The following KIF1C variants were observed in gnomAD, a reference collection of about 807,000 sequenced individuals.
KIF1C encodes kinesin family member 1C, also known as kinesin-like protein KIF1C.
A neutral mutation model predicts 126.5 loss-of-function variants in KIF1C; 61 were observed. The observed-to-expected ratio is 0.48, with a 90% CI of 0.39 to 0.60. The LOEUF (loss-of-function observed/expected upper bound fraction) is 0.60, where lower values mean the gene tolerates loss of function less well. Among genes scored for constraint, KIF1C ranks in the 20% least tolerant of loss-of-function variants. The pLI is 0.00. For missense variants in KIF1C, 1,315 were observed against 1,489.2 expected (o/e 0.88, Z 1.93); for synonymous variants, 640 against 580.6 (o/e 1.10, Z -1.47).
At chr17:5,015,283 CT>C (rs1974948730) in intron 18 of KIF1C, among the ~76,000 whole-genome samples, 1 of 151,760 alleles carries the variant, frequency 6.6e-6, no homozygotes, top group South Asian at 2.1e-4. Flanking sequence ...TTTTCTTTTT[CT>C]TTTTCTTTTT....
Position 5,017,973 on chromosome 17 carries a change from TATTTTC to T in KIF1C, c.1667-2011_1667-2006del, listed in dbSNP as rs1975011753. ...GCATAACACGTATTCCCTCCTTTTT[TATTTTC>T]ATTTTCATTTTTATTTTTTGAGACA... On this transcript the variant is annotated intron_variant, in intron 18 of 22. Coordinates refer to ENST00000320785, the MANE Select transcript of KIF1C (RefSeq NM_006612.6). Among the ~76,000 whole-genome samples, 5 of 152,002 alleles carry T rather than the reference TATTTTC, an allele frequency of 3.3e-5. No homozygotes were observed. The South Asian group carries it at 8.3e-4, about 25-fold the overall frequency.
At chr17:5,015,340 A>G (rs1384560797) in intron 18 of KIF1C, among the ~76,000 whole-genome samples, 4 of 149,826 alleles carry the variant, frequency 2.7e-5, no homozygotes, top group Admixed American at 6.6e-5. Context: ...CTGGAGTGCA[A>G]TGGCGCGATC....
chr17:5,002,381 A>C, intron 6 of KIF1C, 83 bp from the exon 7 acceptor site: 1 of 1,319,352 alleles, frequency 7.6e-7, no homozygotes, highest in South Asian at 1.3e-5. Flanking sequence ...AGTCACCTGG[A>C]TCGTGTCCAG....
At chr17:5,004,694 A>C (rs391271) in intron 12 of KIF1C, 49 bp downstream of exon 12, 2 of 1,595,948 alleles carry the variant, frequency 1.3e-6, no homozygotes, top group South Asian at 2.2e-5. Flanking sequence ...GAAGAGTGCC[A>C]GGAGTTCAGA....
Position 5,007,421 on chromosome 17 carries a change from C to T in KIF1C, c.1416-46C>T, listed in dbSNP as rs771380561. 19 of 1,610,316 alleles carry T rather than the reference C, an allele frequency of 1.2e-5. No homozygotes were observed. In the East Asian group the frequency reaches 1.6e-4, roughly 13 times the overall value. On this transcript the variant is annotated intron_variant, in intron 15 of 22. Transcript: ENST00000320785. ...TCAGGCCCCACAGGGAAGGAGGTCA[C>T]GGGCAGTGAAGGTAAGACTGACATT...
chr17:5,011,887 C>T (rs1164905407), intron 16 of KIF1C: 1 of 152,308 alleles, frequency 6.6e-6, no homozygotes, highest in Non-Finnish European at 1.5e-5. Flanking sequence ...TCCACGCCCT[C>T]CTTGTCCTCA....
At position 5,026,792 on chromosome 17, in the gene KIF1C, T is replaced by C. The variant is rs1188317275; in HGVS notation, c.*2641T>C. 1 of 149,240 alleles carries C rather than the reference T, an allele frequency of 6.7e-6. No individual in the cohort carries two copies. Among genetic ancestry groups the C allele is most frequent in the Non-Finnish European group, 1.5e-5 (1 of 67,388 alleles). 9.2% of individuals were successfully genotyped at this position (149,240 alleles called of 1,614,324 possible). A position where few individuals can be genotyped will look rare whatever the true frequency, so the allele number is the denominator to read the frequency against. ...ATATCCAGCCTTCCAAGTCAGTCTT[T>C]AATAATGTGCACGGGCCAGGCACAG... On this transcript the variant is annotated 3_prime_UTR_variant, in exon 23 of 23. Transcript: ENST00000320785.
rs201947256 is a variant in KIF1C at position 5,002,860 on chromosome 17, C to T, written c.720+18C>T. On this transcript the variant is annotated intron_variant, in intron 8 of 22. Coordinates refer to ENST00000320785, the MANE Select transcript of KIF1C (RefSeq NM_006612.6). Reference sequence around the variant, plus strand: ...CGGAGAAGGTGGGATCGCCCCCCCCCCCACTCCCCCACCGGATGCAACCTC... The same window carrying T: ...CGGAGAAGGTGGGATCGCCCCCCCCTCCACTCCCCCACCGGATGCAACCTC... 81 of 1,575,676 alleles carry T rather than the reference C, an allele frequency of 5.1e-5. 1 individual carries two copies. Among genetic ancestry groups the T allele is most frequent in the South Asian group, 4.7e-4 (42 of 90,136 alleles).
At position 5,023,507 on chromosome 17, in the gene KIF1C, TG is replaced by T; in HGVS notation, c.2671del (p.Ala891ProfsTer197). On this transcript the variant is annotated frameshift_variant, in exon 23 of 23. Transcript: ENST00000320785. LOFTEE classifies it high-confidence loss of function. This position sits in a 1 kb window ranked among gnomAD's most constrained non-coding sequence, Gnocchi z 4.2. ...DENEEGGEVP[W>X]APPEGSEAAE... ...GAATGAAGAAGGTGGTGAGGTCCCC[TG>T]GGCCCCGCCTGAAGGATCAGAGGCA... 6.2e-7 allele frequency: 1 copy of T among 1,613,674 alleles called. No homozygotes were observed. The highest frequency in any genetic ancestry group is 8.5e-7 in the Non-Finnish European group (1 of 1,179,850).
chr17:5,000,047 C>T, intron 2 of KIF1C, 77 bp downstream of exon 2: 2 of 583,634 alleles, frequency 3.4e-6, no homozygotes, highest in Non-Finnish European at 6.1e-6. Context: ...CTTTGGGAGT[C>T]TCTCAAGACA....
At chr17:5,003,714 T>C in intron 9 of KIF1C, 25 bp downstream of exon 9, 3 of 1,604,848 alleles carry the variant, frequency 1.9e-6, no homozygotes, top group Non-Finnish European at 2.6e-6. Context: ...GAGGGTGGTT[T>C]GTTGTGGGGC....
chr17:5,003,809 G>A, intron 9 of KIF1C, 42 bp from the exon 10 acceptor site: 1 of 1,589,784 alleles, frequency 6.3e-7, no homozygotes, highest in Middle Eastern at 1.7e-4. Context: ...GATCACATTG[G>A]GAGAAGAGGG....
At position 5,004,844 on chromosome 17, in the gene KIF1C, CT is replaced by C. The variant is rs776451943; in HGVS notation, c.1020-10del. The C allele has an allele frequency of 6.2e-7, 1 of 1,614,212 alleles. No individual in the cohort carries two copies. ...CCCAGGCCTCACCGACCCTGCTCCT[CT>C]GTCACCCAGGTATGCTGACCGCACC... On this transcript the variant is annotated splice_polypyrimidine_tract_variant and intron_variant, in intron 12 of 22. Coordinates refer to ENST00000320785, the MANE Select transcript of KIF1C (RefSeq NM_006612.6).
intron 16 of KIF1C, 36 bp downstream of exon 16, chr17:5,007,578 T>A (rs1169839305): frequency 6.0e-6 from 9 of 1,492,970 alleles, no homozygotes; most frequent in Non-Finnish European, 8.1e-6. Context: ...CCTAGAGAGC[T>A]CTCTGGATGC....
rs920185149 is a variant in KIF1C, at chr17:5,026,090, G to A, written c.*1939G>A. Reference sequence around the variant, plus strand: ...GATATCCCAACTGCAGCCAAACCACGGCTCTGGGCGAAGGAACGATTAGGT... The same window carrying A: ...GATATCCCAACTGCAGCCAAACCACAGCTCTGGGCGAAGGAACGATTAGGT... On this transcript the variant is annotated 3_prime_UTR_variant, in exon 23 of 23. Coordinates refer to ENST00000320785, the MANE Select transcript of KIF1C (RefSeq NM_006612.6). 2 of 152,182 alleles carry A rather than the reference G, an allele frequency of 1.3e-5. No individual in the cohort carries two copies. The highest frequency in any genetic ancestry group is 1.5e-5 in the Non-Finnish European group (1 of 68,044). 9.4% of individuals were successfully genotyped at this position (152,182 alleles called of 1,614,324 possible).
At position 5,022,767 on chromosome 17, in the gene KIF1C, T is replaced by C. The variant is rs1975123065; in HGVS notation, c.2628+58T>C. The stretch of plus-strand genomic sequence containing the variant: ...CCCTCGGCTCTTCACTTTAGGAGTC[T>C]GAACCTTCCATCTCAGAGCCTAACC... On this transcript the variant is annotated intron_variant, in intron 22 of 22. Coordinates refer to ENST00000320785, the MANE Select transcript of KIF1C (RefSeq NM_006612.6). This position sits in a 1 kb window ranked among gnomAD's most constrained non-coding sequence, Gnocchi z 4.9. 3 of 1,442,672 alleles carry C rather than the reference T, an allele frequency of 2.1e-6. No homozygotes were observed. Among genetic ancestry groups the C allele is most frequent in the Non-Finnish European group, 2.7e-6 (3 of 1,102,646 alleles). 89.4% of individuals were successfully genotyped at this position (1,442,672 alleles called of 1,614,324 possible).
In KIF1C at chr17:5,024,090, C is replaced by T; in HGVS notation, c.3251C>T (p.Pro1084Leu). The T allele has an allele frequency of 6.2e-7, 1 of 1,609,892 alleles. No homozygotes were observed. Among genetic ancestry groups the T allele is most frequent in the Non-Finnish European group, 8.5e-7 (1 of 1,177,924 alleles). ...CCCCGCTACCCCCCATACACTACTC[C>T]CCCACGAATGAGACGGCAGCGTTCT... The part of the protein sequence containing the change: ...PGPRYPPYTT[P>L]PRMRRQRSAP... The change falls in exon 23 of 23, where the codon CCC (proline) becomes CTC (leucine). Residue 1084 changes from proline (P) to leucine (L), a missense_variant. Transcript: ENST00000320785.
chr17:5,007,365 T>A (rs1222626993), intron 15 of KIF1C, 23 bp downstream of exon 15: 2 of 1,612,054 alleles, frequency 1.2e-6, no homozygotes, highest in Non-Finnish European at 1.7e-6. Context: ...ACAGTTGGGG[T>A]CCTGGGTGGA....
At chr17:5,005,653 T>G (rs533567886) in intron 13 of KIF1C, among the ~76,000 whole-genome samples, 2 of 152,302 alleles carry the variant, frequency 1.3e-5, no homozygotes, top group South Asian at 4.1e-4. Context: ...GTAAGGACTT[T>G]TTATCCCAGA....
Sources: gnomAD v4.1 joint callset for allele counts (sites outside exome capture counted in the v4.1 genomes callset) on GRCh38, gnomAD v4.1.1 for gene constraint, Gnocchi (gnomAD v3.1) non-coding constraint, MANE v1.5 for transcripts, NCBI Gene and HGNC (gene_info 2026-07-23, HGNC 2026-07-21) for gene names.